Variants in USP31 observed in about 807,000 individuals in gnomAD.
USP31 encodes the protein ubiquitin specific peptidase 31, also known as ubiquitin carboxyl-terminal hydrolase 31.
USP31 carries 44 observed loss-of-function variants against 119.4 expected under a neutral mutation model. The observed-to-expected ratio is 0.37, with a 90% CI of 0.29 to 0.47. The LOEUF (loss-of-function observed/expected upper bound fraction) is 0.47, where lower values mean the gene tolerates loss of function less well. Ranked by LOEUF, USP31 falls within the 20% of genes least tolerant of loss-of-function variation. USP31 has a pLI of 0.99. For synonymous variants in USP31, 749 were observed against 705.6 expected (o/e 1.06, Z -0.97); for missense variants, 1,643 against 1,730.2 (o/e 0.95, Z 0.89).
Position 23,148,650 on chromosome 16 carries a change from G to C in USP31, c.621C>G (p.Ser207Arg), listed in dbSNP as rs1903604065. ...LWTLEYTPQH[S>R]RDFKTIVSKN... Reference sequence around the variant, plus strand: ...CGCGCGGGCTCACCTTGAAGTCGCGGCTGTGCTGCGGGGTGTACTCCAGGG... The same window carrying C: ...CGCGCGGGCTCACCTTGAAGTCGCGCCTGTGCTGCGGGGTGTACTCCAGGG... Residue 207 changes from serine (S) to arginine (R), a missense_variant, in exon 1 of 16, where the codon AGC becomes AGG. Physicochemically the swap from Ser to Arg is moderately radical, Grantham distance 110. Around this residue, in one of 5 missense-constraint regions of USP31, gnomAD observed 144 missense variants for 218.0 expected, o/e 0.66. Transcript: ENST00000219689. 6.7e-7 allele frequency: 1 copy of C among 1,489,406 alleles called. No homozygotes were observed. Among genetic ancestry groups the C allele is most frequent in the Non-Finnish European group, 8.9e-7 (1 of 1,124,724 alleles). 92.3% of individuals were successfully genotyped at this position (1,489,406 alleles called of 1,614,324 possible).
chr16:23,148,439 A>ATGTT (rs1375386732), intron 1 of USP31, among the ~76,000 whole-genome samples, 199 bp downstream of exon 1: 2 of 152,242 alleles, frequency 1.3e-5, no homozygotes, highest in Non-Finnish European at 2.9e-5. Context: ...CAATAAATAC[A>ATGTT]TGTTTGAGTG....
Position 23,085,924 on chromosome 16 carries a change from T to C in USP31, c.1623-262A>G, listed in dbSNP as rs937250701. ...AATAAAGAGGTTGGAAGAAATTTAG[T>C]GTCATAAGGTTGATGATCACTCTCA... On this transcript the variant is annotated intron_variant, in intron 9 of 15. Coordinates refer to ENST00000219689, the MANE Select transcript of USP31 (RefSeq NM_020718.4). Among the ~76,000 whole-genome samples the C allele has an allele frequency of 2.0e-5, 3 of 152,222 alleles. No homozygotes were observed. The East Asian group carries it at 5.8e-4, about 29-fold the overall frequency.
Position 23,069,059 on chromosome 16 carries a change from C to G in USP31, c.3046G>C (p.Ala1016Pro), listed in dbSNP as rs775646173. 1 of 1,612,572 alleles carries G rather than the reference C, an allele frequency of 6.2e-7. No homozygotes were observed. The change falls in exon 16 of 16, where the codon GCA becomes CCA. Residue 1016 changes from alanine (A) to proline (P), a missense_variant. By Grantham distance (27) the Ala-to-Pro change is conservative (BLOSUM62 -1). Around this residue, in one of 5 missense-constraint regions of USP31, gnomAD observed 699 missense variants for 650.9 expected, o/e 1.07. Transcript: ENST00000219689. ...TTAGTTGTGCTCTCTGGTTTCTTTG[C>G]GAGTGAGCCTGGGTGGCTGGGGGCT... Reference protein sequence around the residue: ...VKAPSHPGSLAKKPESTTKRS... With the variant: ...VKAPSHPGSLPKKPESTTKRS...
chr16:23,073,597 G>A (rs1420318682), intron 14 of USP31, 125 bp downstream of exon 14: 3 of 1,211,940 alleles, frequency 2.5e-6, no homozygotes, highest in African/African-American at 3.0e-5. Context: ...CAGATTAAAT[G>A]GAAACGTAAG....
At position 23,073,897 on chromosome 16, in the gene USP31, G is replaced by A. The variant is rs181196244; in HGVS notation, c.2177-17C>T. 1.0e-3 allele frequency: 1,682 copies of A among 1,613,358 alleles called. 3 individuals carry two copies. The highest frequency in any genetic ancestry group is 1.3e-3 in the Non-Finnish European group (1,549 of 1,179,890). ...TACAGTACGCTGCCAAAGAGAGCCC[G>A]CCATCAGCACCAGGGGAGGCTGCAC... On this transcript the variant is annotated splice_polypyrimidine_tract_variant and intron_variant, in intron 13 of 15. Coordinates refer to ENST00000219689, the MANE Select transcript of USP31 (RefSeq NM_020718.4).
At chr16:23,141,163 G>A (rs1903340676) in intron 1 of USP31, among the ~76,000 whole-genome samples, 1 of 152,122 alleles carries the variant, frequency 6.6e-6, no homozygotes, top group South Asian at 2.1e-4. Flanking sequence ...AGCTACACAA[G>A]GCAGACTCGG....
intron 1 of USP31, among the ~76,000 whole-genome samples, chr16:23,123,175 G>A (rs1043485229): frequency 6.6e-6 from 1 of 152,076 alleles, no homozygotes; most frequent in Non-Finnish European, 1.5e-5. Flanking sequence ...TATCACTTTA[G>A]GATAATACAT....
intron 1 of USP31, among the ~76,000 whole-genome samples, chr16:23,123,264 G>T (rs756614294): frequency 6.6e-6 from 1 of 152,154 alleles, no homozygotes; most frequent in East Asian, 1.9e-4. Flanking sequence ...TAGGCTGGGC[G>T]CGGCAGCTCA....
In USP31 at chr16:23,123,557, TA is replaced by T. The variant is rs1421052984; in HGVS notation, c.634-15375del. Among the ~76,000 whole-genome samples the T allele has an allele frequency of 2.0e-5, 3 of 151,678 alleles. No homozygotes were observed. In the East Asian group the frequency reaches 5.8e-4, roughly 29 times the overall value. The stretch of plus-strand genomic sequence containing the variant: ...CATCTCAAATAAATAAATAAATAAA[TA>T]AAATAAAAAATAAGAAAGTTGACAT... On this transcript the variant is annotated intron_variant, in intron 1 of 15. Coordinates refer to ENST00000219689, the MANE Select transcript of USP31 (RefSeq NM_020718.4).
At chr16:23,073,993 T>G (rs1281653928) in intron 13 of USP31, 113 bp from the exon 14 acceptor site, 1 of 1,398,988 alleles carries the variant, frequency 7.1e-7, no homozygotes, top group South Asian at 1.2e-5. Context: ...GTTTTAAGGC[T>G]GCGTATAGCA....
chr16:23,087,376 C>T (rs1024785719), intron 8 of USP31, among the ~76,000 whole-genome samples, 190 bp from the exon 9 acceptor site: 2 of 152,148 alleles, frequency 1.3e-5, no homozygotes, highest in African/African-American at 2.4e-5. Context: ...ATGCGATTTA[C>T]GTATCAAATA....
At chr16:23,081,342 G>T (rs1468856216) in intron 12 of USP31, among the ~76,000 whole-genome samples, 2 of 152,090 alleles carry the variant, frequency 1.3e-5, no homozygotes, top group African/African-American at 4.8e-5. Context: ...ATACACAGTG[G>T]GTGCCAAATG....
At chr16:23,105,154 T>G (rs966636649) in intron 5 of USP31, among the ~76,000 whole-genome samples, 2 of 152,212 alleles carry the variant, frequency 1.3e-5, no homozygotes, top group Non-Finnish European at 2.9e-5. Flanking sequence ...TCCACAGGAA[T>G]GATTTAAGAA....
At chr16:23,077,683 T>C (rs906987018) in intron 13 of USP31, among the ~76,000 whole-genome samples, 2 of 152,168 alleles carry the variant, frequency 1.3e-5, no homozygotes, top group Non-Finnish European at 2.9e-5. Flanking sequence ...GAAGTATACA[T>C]ATATAACACA....
At chr16:23,141,013 T>G (rs1196714628) in intron 1 of USP31, among the ~76,000 whole-genome samples, 1 of 152,210 alleles carries the variant, frequency 6.6e-6, no homozygotes, top group Non-Finnish European at 1.5e-5. Flanking sequence ...TCTGCCTCCA[T>G]TCTACTCACT....
In USP31 at chr16:23,102,218, TA is replaced by T. The variant is rs989005222; in HGVS notation, c.1234+100del. ...AAATCATGTGTATTTTACCACAATTTAAAAAAAAATGTATATCATTATATAA... is the reference window on the plus strand; with the variant it reads ...AAATCATGTGTATTTTACCACAATTTAAAAAAAATGTATATCATTATATAA... On this transcript the variant is annotated intron_variant, in intron 6 of 15. Coordinates refer to ENST00000219689, the MANE Select transcript of USP31 (RefSeq NM_020718.4). 8.8e-4 allele frequency: 1,073 copies of T among 1,225,486 alleles called. 1 individual carries two copies. The highest frequency in any genetic ancestry group is 2.2e-3 in the African/African-American group (138 of 63,568). The allele number at this position is 1,225,486 out of a possible 1,614,324, so 75.9% of individuals were successfully genotyped here.
intron 2 of USP31, 54 bp downstream of exon 2, chr16:23,107,992 A>G: frequency 3.2e-6 from 5 of 1,555,422 alleles, no homozygotes; most frequent in Non-Finnish European, 4.3e-6. Flanking sequence ...TCAGTAGAAG[A>G]ATCTACACAC....
intron 1 of USP31, among the ~76,000 whole-genome samples, chr16:23,129,616 G>A (rs1203753207): frequency 6.6e-6 from 1 of 152,136 alleles, no homozygotes. Context: ...GGAAATGCAG[G>A]TTCATCGTAC....
At chr16:23,141,241 A>C (rs957140331) in intron 1 of USP31, among the ~76,000 whole-genome samples, 2 of 152,148 alleles carry the variant, frequency 1.3e-5, no homozygotes, top group African/African-American at 4.8e-5. Flanking sequence ...CTCTAGCTGC[A>C]AACAAGATCT....
Sources: gnomAD v4.1 joint callset for allele counts (sites outside exome capture counted in the v4.1 genomes callset) on GRCh38, gnomAD v4.1.1 for gene constraint, gnomAD v4.1.1 regional missense constraint, MANE v1.5 for transcripts, NCBI Gene and HGNC (gene_info 2026-07-23, HGNC 2026-07-21) for gene names.